The following WNT3 variants were observed in gnomAD, a reference collection of about 807,000 sequenced individuals.
The protein encoded by WNT3 is proto-oncogene Wnt-3.
Under a neutral mutation model 34.2 loss-of-function variants are expected in WNT3, and 7 were observed. The observed-to-expected ratio is 0.20, with a 90% CI of 0.12 to 0.38. The LOEUF (loss-of-function observed/expected upper bound fraction) is 0.38. Ranked by LOEUF, WNT3 falls within the 10% of genes least tolerant of loss-of-function variation. The pLI is 1.00. For synonymous variants in WNT3, 212 were observed against 211.5 expected, an observed-to-expected ratio of 1.00 and a Z score of -0.02; for missense variants, 267 against 499.8, an observed-to-expected ratio of 0.53 and a Z score of 4.44.
At chr17:46,766,276 C>T (rs896965030) in intron 4 of WNT3, among the ~76,000 whole-genome samples, 4 of 152,062 alleles carry the variant, frequency 2.6e-5, no homozygotes, top group African/African-American at 7.2e-5. Context: ...ATCGTGGTGG[C>T]GGGCACCTAT....
In WNT3 at chr17:46,783,672, G is replaced by A. The variant is rs138945838; in HGVS notation, c.81-9763C>T. On this transcript the variant is annotated intron_variant, in intron 1 of 4. Coordinates refer to ENST00000225512, the MANE Select transcript of WNT3 (RefSeq NM_030753.5). ...GAGCGATCTCTAGGAACGGGGGCAA[G>A]TGTGTCCTCACTGCCTCTGGAGGGC... Among the ~76,000 whole-genome samples the A allele has an allele frequency of 2.6e-4, 40 of 152,328 alleles. 1 individual carries two copies. The Middle Eastern group carries it at 0.01, about 39-fold the overall frequency.
chr17:46,818,449 C>T, intron 1 of WNT3, 69 bp downstream of exon 1: 1 of 1,507,412 alleles, frequency 6.6e-7, no homozygotes, highest in African/African-American at 1.4e-5. Context: ...CCACCCCCAG[C>T]CGGCGCCCCC....
At chr17:46,767,346 C>G (rs965010992) in intron 4 of WNT3, among the ~76,000 whole-genome samples, 9 of 152,138 alleles carry the variant, frequency 5.9e-5, no homozygotes, top group Admixed American at 5.9e-4. Flanking sequence ...CCCACTCCAC[C>G]CAAGCTTCAG....
chr17:46,801,925 G>A (rs2146444441), intron 1 of WNT3, among the ~76,000 whole-genome samples: 1 of 152,298 alleles, frequency 6.6e-6, no homozygotes, highest in East Asian at 1.9e-4. Flanking sequence ...CTGTAGCATT[G>A]AGACCACTCA....
intron 3 of WNT3, among the ~76,000 whole-genome samples, chr17:46,769,241 G>A (rs1186338156): frequency 6.6e-6 from 1 of 151,670 alleles, no homozygotes; most frequent in Non-Finnish European, 1.5e-5. Context: ...GCTTGAACTC[G>A]GGAGGCGGAG....
chr17:46,789,207 C>T (rs910715815), intron 1 of WNT3, among the ~76,000 whole-genome samples: 4 of 152,002 alleles, frequency 2.6e-5, no homozygotes, highest in African/African-American at 9.7e-5. Flanking sequence ...GCCCAGAGGC[C>T]ACCCTCCCTG....
intron 2 of WNT3, among the ~76,000 whole-genome samples, chr17:46,771,893 T>C (rs1018920942): frequency 1.6e-4 from 17 of 103,388 alleles, no homozygotes; most frequent in African/African-American, 3.2e-4. Context: ...CCCCCGCCCC[T>C]GCCCCCGCCC....
chr17:46,813,236 T>G (rs901329789), intron 1 of WNT3, among the ~76,000 whole-genome samples: 6 of 151,776 alleles, frequency 4.0e-5, no homozygotes, highest in African/African-American at 1.5e-4. Flanking sequence ...GCCCTGGGAC[T>G]CTGAGAGGCA....
At chr17:46,770,959 C>G (rs2059361300) in intron 2 of WNT3, among the ~76,000 whole-genome samples, 1 of 152,268 alleles carries the variant, frequency 6.6e-6, no homozygotes, top group Non-Finnish European at 1.5e-5. Context: ...CCGGAGGTGA[C>G]TCGCCACCTG....
intron 1 of WNT3, among the ~76,000 whole-genome samples, chr17:46,779,053 TCACACACACA>T (rs56965619): frequency 0.04 from 4,044 of 100,612 alleles, 122 homozygotes; most frequent in African/African-American, 0.056. Flanking sequence ...CCCTACCCCA[TCACACACACA>T]CACACACACA....
chr17:46,792,089 C>A (rs1366514741), intron 1 of WNT3, among the ~76,000 whole-genome samples: 1 of 152,160 alleles, frequency 6.6e-6, no homozygotes, highest in African/African-American at 2.4e-5. Context: ...ATAGAAATAG[C>A]GAACATTTAA....
At chr17:46,779,327 A>AT (rs1165682992) in intron 1 of WNT3, among the ~76,000 whole-genome samples, 1 of 152,112 alleles carries the variant, frequency 6.6e-6, no homozygotes, top group Non-Finnish European at 1.5e-5. Context: ...CCCAAGGGGG[A>AT]TAGAGACCTG....
chr17:46,779,103 A>ACACACACCCCCC lies in WNT3; in HGVS notation c.81-5195_81-5194insGGGGGGTGTGTG, dbSNP rs749719578. On this transcript the variant is annotated intron_variant, in intron 1 of 4. Coordinates refer to ENST00000225512, the MANE Select transcript of WNT3 (RefSeq NM_030753.5). ...CACACACACACACACACACACACAC[A>ACACACACCCCCC]CCCCAGCCCACTCGGCCTTCCAAAG... Among the ~76,000 whole-genome samples the ACACACACCCCCC allele has an allele frequency of 4.1e-4, 55 of 133,632 alleles. 1 individual carries two copies. The highest frequency in any genetic ancestry group is 3.1e-3 in the East Asian group (12 of 3,900). 87.7% of individuals were successfully genotyped at this position (133,632 alleles called of 152,430 possible).
At chr17:46,784,466 T>C (rs1290323810) in intron 1 of WNT3, among the ~76,000 whole-genome samples, 2 of 151,098 alleles carry the variant, frequency 1.3e-5, no homozygotes, top group Non-Finnish European at 2.9e-5. Flanking sequence ...GGGCACACGG[T>C]GGGAGGACAC....
intron 1 of WNT3, among the ~76,000 whole-genome samples, chr17:46,784,777 CTTTTTT>C (rs138267924): frequency 7.7e-6 from 1 of 129,290 alleles, no homozygotes; most frequent in Non-Finnish European, 1.6e-5. Flanking sequence ...TTTTGCTTTT[CTTTTTT>C]TTTTTTTTTT....
chr17:46,779,092 CACACA>C (rs2059436824), intron 1 of WNT3, among the ~76,000 whole-genome samples: 1 of 148,382 alleles, frequency 6.7e-6, no homozygotes, highest in Admixed American at 6.8e-5. Flanking sequence ...CACACACACA[CACACA>C]CACACACCCC....
intron 4 of WNT3, among the ~76,000 whole-genome samples, chr17:46,766,151 G>A (rs2059310950): frequency 1.3e-5 from 2 of 152,206 alleles, no homozygotes; most frequent in South Asian, 4.1e-4. Flanking sequence ...GCTCACGCCT[G>A]TAATCCCAGC....
At chr17:46,777,265 G>A (rs981157303) in intron 1 of WNT3, among the ~76,000 whole-genome samples, 2 of 152,242 alleles carry the variant, frequency 1.3e-5, no homozygotes, top group African/African-American at 2.4e-5. Flanking sequence ...CAACTTGTGC[G>A]AGGTCACACA....
chr17:46,772,754 T>G (rs1240105022), intron 2 of WNT3, among the ~76,000 whole-genome samples: 1 of 152,130 alleles, frequency 6.6e-6, no homozygotes, highest in East Asian at 1.9e-4. Context: ...AAATGGGGGT[T>G]GTCAGCTTCC....
Sources: allele counts gnomAD v4.1 joint callset (sites outside exome capture counted in the v4.1 genomes callset), GRCh38; gene constraint gnomAD v4.1.1; transcripts MANE v1.5; gene names NCBI Gene and HGNC (gene_info 2026-07-23, HGNC 2026-07-21).